The following NTRK2 variants were observed in gnomAD, a reference collection of about 807,000 sequenced individuals.
NTRK2 encodes the protein neurotrophic receptor tyrosine kinase 2, also known as BDNF/NT-3 growth factors receptor.
Under a neutral mutation model 94.5 loss-of-function variants are expected in NTRK2, and 13 were observed. That is an observed-to-expected ratio of 0.14 (90% confidence interval 0.09 to 0.22). The LOEUF (loss-of-function observed/expected upper bound fraction) is 0.22. Among genes scored for constraint, NTRK2 ranks in the 10% least tolerant of loss-of-function variants. The pLI is 1.00. For missense variants in NTRK2, 639 were observed against 1,071.2 expected, an observed-to-expected ratio of 0.60 and a Z score of 5.63; for synonymous variants, 372 against 407.4, an observed-to-expected ratio of 0.91 and a Z score of 1.05.
chr9:84,693,410 A>G (rs1298559152), intron 2 of NTRK2, among the ~76,000 whole-genome samples: 1 of 152,220 alleles, frequency 6.6e-6, no homozygotes, highest in Non-Finnish European at 1.5e-5. Flanking sequence ...GGAAATCACC[A>G]TATTGGTGGG....
At chr9:84,897,565 G>T (rs927730257) in intron 14 of NTRK2, among the ~76,000 whole-genome samples, 9 of 152,250 alleles carry the variant, frequency 5.9e-5, no homozygotes, top group African/African-American at 2.2e-4. Flanking sequence ...TCCCCTGCCT[G>T]TTGTGGTGCA....
chr9:84,812,106 G>A, intron 12 of NTRK2: 1 of 1,059,576 alleles, frequency 9.4e-7, no homozygotes. Context: ...TAGCTTTAAG[G>A]TTCTATAGAT....
At chr9:84,707,757 A>G (rs1170102258) in intron 4 of NTRK2, 87 bp from the exon 5 acceptor site, 3 of 1,015,182 alleles carry the variant, frequency 3.0e-6, no homozygotes, top group Non-Finnish European at 4.6e-6. Flanking sequence ...ATAAAATTAT[A>G]TTTTGAAAAA....
At chr9:84,943,615 G>A (rs1276290519) in intron 15 of NTRK2, among the ~76,000 whole-genome samples, 1 of 152,050 alleles carries the variant, frequency 6.6e-6, no homozygotes, top group Non-Finnish European at 1.5e-5. Flanking sequence ...CTCAGTGATC[G>A]GGCAAATATG....
intron 14 of NTRK2, among the ~76,000 whole-genome samples, chr9:84,912,426 C>T (rs1436548206): frequency 1.1e-4 from 17 of 151,996 alleles, no homozygotes; most frequent in Admixed American, 1.1e-3. Context: ...GTTTTCAGCT[C>T]ACATTTAGGT....
intron 14 of NTRK2, among the ~76,000 whole-genome samples, chr9:84,889,307 T>A (rs1056879228): frequency 5.9e-5 from 9 of 152,146 alleles, no homozygotes; most frequent in Admixed American, 3.3e-4. Flanking sequence ...AGCAATTTTT[T>A]AAAAAGTGGC....
intron 12 of NTRK2, chr9:84,812,815 G>A: frequency 9.6e-7 from 1 of 1,039,436 alleles, no homozygotes; most frequent in Non-Finnish European, 1.2e-6. Flanking sequence ...AGGATTGCAA[G>A]GTAGATTTTT....
intron 14 of NTRK2, among the ~76,000 whole-genome samples, chr9:84,892,410 T>G (rs2076621615): frequency 6.6e-6 from 1 of 152,200 alleles, no homozygotes; most frequent in Non-Finnish European, 1.5e-5. Context: ...TAAAGAGTAG[T>G]ATTGAATTTC....
chr9:84,972,198 A>T (rs1826267675), intron 17 of NTRK2, among the ~76,000 whole-genome samples: 1 of 152,148 alleles, frequency 6.6e-6, no homozygotes, highest in African/African-American at 2.4e-5. Context: ...TACATAGATG[A>T]GGATAGAGGT....
At chr9:84,943,469 G>A (rs1321699712) in intron 15 of NTRK2, among the ~76,000 whole-genome samples, 5 of 152,146 alleles carry the variant, frequency 3.3e-5, no homozygotes. Context: ...GCAGTATCTC[G>A]CTACAGTTCT....
chr9:84,833,690 A>G (rs2073708008), intron 12 of NTRK2, among the ~76,000 whole-genome samples: 1 of 152,098 alleles, frequency 6.6e-6, no homozygotes, highest in South Asian at 2.1e-4. Context: ...TATAGATACT[A>G]AGATGAGTGT....
At chr9:84,899,320 T>C (rs1413182450) in intron 14 of NTRK2, among the ~76,000 whole-genome samples, 1 of 152,250 alleles carries the variant, frequency 6.6e-6, no homozygotes, top group Non-Finnish European at 1.5e-5. Flanking sequence ...GTTAAATGTG[T>C]ATTTCAGGAC....
intron 17 of NTRK2, among the ~76,000 whole-genome samples, chr9:84,975,551 G>T (rs779237783): frequency 6.6e-6 from 1 of 152,186 alleles, no homozygotes; most frequent in Non-Finnish European, 1.5e-5. Flanking sequence ...TGCAGCAGCC[G>T]CTGTCCTGTG....
intron 12 of NTRK2, among the ~76,000 whole-genome samples, chr9:84,753,423 C>A (rs1453993855): frequency 6.6e-6 from 1 of 152,152 alleles, no homozygotes; most frequent in Non-Finnish European, 1.5e-5. Context: ...GTTCACCTGA[C>A]AGCTGGCATT....
intron 2 of NTRK2, among the ~76,000 whole-genome samples, chr9:84,685,022 G>A (rs530280149): frequency 1.3e-5 from 2 of 151,498 alleles, no homozygotes; most frequent in East Asian, 3.9e-4. Context: ...TGGCTAAGAA[G>A]ATTATTCCCT....
At chr9:84,870,126 T>TATATACACAC (rs774255186) in intron 14 of NTRK2, among the ~76,000 whole-genome samples, 5 of 95,654 alleles carry the variant, frequency 5.2e-5, no homozygotes, top group African/African-American at 2.1e-4. Context: ...TATATATATA[T>TATATACACAC]ACACACACAC....
chr9:84,869,688 C>T (rs1053447460), intron 14 of NTRK2, among the ~76,000 whole-genome samples: 7 of 152,042 alleles, frequency 4.6e-5, no homozygotes, highest in African/African-American at 1.7e-4. Flanking sequence ...GGATCTTTAT[C>T]TGTTGAACCA....
rs2064193239 is a variant in NTRK2 at position 84,747,502 on chromosome 9, G to A, written c.1296+2429G>A. Among the ~76,000 whole-genome samples the A allele has an allele frequency of 4.3e-5, 6 of 138,684 alleles. No homozygotes were observed. The South Asian group carries it at 1.4e-3, about 33-fold the overall frequency. 91.0% of individuals were successfully genotyped at this position (138,684 alleles called of 152,430 possible). On this transcript the variant is annotated intron_variant, in intron 11 of 18. Coordinates refer to ENST00000277120, the MANE Select transcript of NTRK2 (RefSeq NM_006180.6). ...TTTTTTTTTTTTTTTTTTTGTGATG[G>A]AGTCTCACTCTGTCACCCAGGCTGG...
chr9:84,776,369 G>A (rs2067046922), intron 12 of NTRK2, among the ~76,000 whole-genome samples: 1 of 152,054 alleles, frequency 6.6e-6, no homozygotes, highest in Non-Finnish European at 1.5e-5. Flanking sequence ...TTACAGGCAT[G>A]TGCCACCACA....
Sources: allele counts gnomAD v4.1 joint callset (sites outside exome capture counted in the v4.1 genomes callset), GRCh38; gene constraint gnomAD v4.1.1; transcripts MANE v1.5; gene names NCBI Gene and HGNC (gene_info 2026-07-23, HGNC 2026-07-21).